MAP9: variants seen among roughly 807,000 people sequenced by gnomAD.
The protein encoded by MAP9 is microtubule associated protein 9, also known as microtubule-associated protein 9.
In MAP9, 80 loss-of-function variants were observed where a neutral mutation model predicts 75.2. The observed-to-expected ratio is 1.06, with a 90% CI of 0.89 to 1.28. The LOEUF (loss-of-function observed/expected upper bound fraction) is 1.28. Among genes scored for constraint, MAP9 ranks in the 50% most tolerant of loss-of-function variants. The pLI is 0.00. For synonymous variants in MAP9, 235 were observed against 237.3 expected, an observed-to-expected ratio of 0.99 and a Z score of 0.09; for missense variants, 753 against 719.9, an observed-to-expected ratio of 1.05 and a Z score of -0.53.
chr4:155,365,356 T>A (rs1030318138), intron 5 of MAP9, among the ~76,000 whole-genome samples: 1 of 151,892 alleles, frequency 6.6e-6, no homozygotes, highest in Non-Finnish European at 1.5e-5. Context: ...GATAACAAAG[T>A]TATAAAATAC....
chr4:155,345,686 CACA>C lies in MAP9; in HGVS notation c.*2094_*2096del, dbSNP rs1423650417. 6.6e-6 allele frequency: 1 copy of C among 152,038 alleles called. No individual in the cohort carries two copies. Among genetic ancestry groups the C allele is most frequent in the Non-Finnish European group, 1.5e-5 (1 of 67,994 alleles). The allele number at this position is 152,038 out of a possible 1,614,324, so 9.4% of individuals were successfully genotyped here. A position where few individuals can be genotyped will look rare whatever the true frequency, so the allele number is the denominator to read the frequency against. On this transcript the variant is annotated 3_prime_UTR_variant, in exon 14 of 14. Coordinates refer to ENST00000311277, the MANE Select transcript of MAP9 (RefSeq NM_001039580.2). Reference sequence around the variant, plus strand: ...AGTTTACATTAATTAACTCGGTTCTCACAACAACCTAAGAAGTAATAATGGTTA... The same window carrying C: ...AGTTTACATTAATTAACTCGGTTCTCACAACCTAAGAAGTAATAATGGTTA...
In MAP9 at chr4:155,353,029, A is replaced by G. The variant is rs1303355059; in HGVS notation, c.1571T>C (p.Met524Thr). ...QAFEKWKEKKMEYLKEKNRKE... is the reference protein window; with the variant it reads ...QAFEKWKEKKTEYLKEKNRKE... ...TCTATTTTTCTCTTTAAGATATTCC[A>G]TCTTTTTCTCTTTCCATTTTTCAAA... Residue 524 changes from methionine (M) to threonine (T), a missense_variant, in exon 12 of 14, where the codon ATG becomes ACG. Physicochemically the swap from Met to Thr is moderately conservative, Grantham distance 81. Coordinates refer to ENST00000311277, the MANE Select transcript of MAP9 (RefSeq NM_001039580.2). 1 of 1,540,710 alleles carries G rather than the reference A, an allele frequency of 6.5e-7. No homozygotes were observed. The highest frequency in any genetic ancestry group is 2.3e-5 in the East Asian group (1 of 42,734).
intron 8 of MAP9, chr4:155,357,022 A>T: frequency 5.9e-6 from 1 of 170,472 alleles, no homozygotes; most frequent in Non-Finnish European, 1.2e-5. Flanking sequence ...AGACAATGAT[A>T]CTTGATAATG....
In MAP9 at chr4:155,364,937, A is replaced by G. The variant is rs552954725; in HGVS notation, c.709-2796T>C. On this transcript the variant is annotated intron_variant, in intron 5 of 13. Coordinates refer to ENST00000311277, the MANE Select transcript of MAP9 (RefSeq NM_001039580.2). ...AAAAGATTCATGATTATCTCCTCAA[A>G]AAAAGGCAAGAAAGGAGTAACAGAG... is the stretch of plus-strand genomic sequence containing the variant. 6.6e-5 allele frequency among the ~76,000 whole-genome samples: 10 copies of G among 152,054 alleles called. No homozygotes were observed. In the East Asian group the frequency reaches 1.7e-3, roughly 26 times the overall value.
Position 155,360,226 on chromosome 4 carries a change from G to A in MAP9, c.992C>T (p.Pro331Leu). Residue 331 changes from proline to leucine, a missense_variant, in exon 7 of 14, where the codon CCA becomes CTA. Transcript: ENST00000311277. The stretch of plus-strand genomic sequence containing the variant: ...GATACTCTGAGATTTAGATAGTAGT[G>A]GATCAACTGTTCTGTCATCATCCAT... Reference protein sequence around the residue: ...LIMDDDRTVDPLLSKSQSILI... With the variant: ...LIMDDDRTVDLLLSKSQSILI... 1.2e-6 allele frequency: 2 copies of A among 1,612,490 alleles called. No individual in the cohort carries two copies. The highest frequency in any genetic ancestry group is 2.2e-5 in the South Asian group (2 of 91,044).
Position 155,343,693 on chromosome 4 carries a change from A to G in MAP9, c.*4090T>C, listed in dbSNP as rs1377806656. On this transcript the variant is annotated 3_prime_UTR_variant, in exon 14 of 14. Coordinates refer to ENST00000311277, the MANE Select transcript of MAP9 (RefSeq NM_001039580.2). ...AATGGTTGATTTTAATACACTAAAC[A>G]TTACATGAAAATATATGCTATCAAA... The G allele has an allele frequency of 1.2e-5, 1 of 86,174 alleles. No individual in the cohort carries two copies. Among genetic ancestry groups the G allele is most frequent in the Non-Finnish European group, 2.0e-5 (1 of 49,900 alleles). 5.3% of individuals were successfully genotyped at this position (86,174 alleles called of 1,614,324 possible). A position where few individuals can be genotyped will look rare whatever the true frequency, so the allele number is the denominator to read the frequency against.
In MAP9 at chr4:155,375,718, T is replaced by G; in HGVS notation, c.75+58A>C. The G allele has an allele frequency of 3.6e-6, 4 of 1,112,504 alleles. No individual in the cohort carries two copies. The South Asian group carries it at 5.3e-5, about 15-fold the overall frequency. The allele number at this position is 1,112,504 out of a possible 1,614,324, so 68.9% of individuals were successfully genotyped here. The stretch of plus-strand genomic sequence containing the variant: ...TAGGACTGTTCTAGAATCACCAATT[T>G]CAACCCATCTAATACAGTGTTTACA... On this transcript the variant is annotated intron_variant, in intron 2 of 13. Coordinates refer to ENST00000311277, the MANE Select transcript of MAP9 (RefSeq NM_001039580.2).
chr4:155,344,417 C>T lies in MAP9; in HGVS notation c.*3366G>A, dbSNP rs1731213209. The T allele has an allele frequency of 6.6e-6, 1 of 151,896 alleles. No individual in the cohort carries two copies. The highest frequency in any genetic ancestry group is 6.6e-5 in the Admixed American group (1 of 15,228). The allele number at this position is 151,896 out of a possible 1,614,324, so 9.4% of individuals were successfully genotyped here. ...CCATAGTTAGTTGTATGAGATTGGA[C>T]AAGTCAAAGTACTTGACAATCAGTT... On this transcript the variant is annotated 3_prime_UTR_variant, in exon 14 of 14. Transcript: ENST00000311277.
chr4:155,359,848 G>A (rs1731985949), intron 7 of MAP9, among the ~76,000 whole-genome samples: 1 of 151,892 alleles, frequency 6.6e-6, no homozygotes, highest in Non-Finnish European at 1.5e-5. Context: ...AATTATTCCA[G>A]ACAGTTATAT....
In MAP9 at chr4:155,345,434, CT is replaced by C. The variant is rs1731248197; in HGVS notation, c.*2348del. The C allele has an allele frequency of 7.2e-6, 1 of 139,128 alleles. No homozygotes were observed. The highest frequency in any genetic ancestry group is 7.1e-5 in the Admixed American group (1 of 14,020). 8.6% of individuals were successfully genotyped at this position (139,128 alleles called of 1,614,324 possible). A position where few individuals can be genotyped will look rare whatever the true frequency, so the allele number is the denominator to read the frequency against. On this transcript the variant is annotated 3_prime_UTR_variant, in exon 14 of 14. Transcript: ENST00000311277. ...GAAGGCCCTAATACAAGGCATCTTT[CT>C]GTTTTTTTGTTTTGTTTTGTTTTGT...
intron 5 of MAP9, among the ~76,000 whole-genome samples, chr4:155,363,849 A>G (rs1026155185): frequency 3.3e-5 from 5 of 152,190 alleles, no homozygotes; most frequent in African/African-American, 1.2e-4. Context: ...AAATATAAAC[A>G]GAATCTCAGA....
chr4:155,352,658 G>A lies in MAP9; in HGVS notation c.1759C>T (p.Leu587=). 6.5e-7 allele frequency: 1 copy of A among 1,536,972 alleles called. No homozygotes were observed. The highest frequency in any genetic ancestry group is 8.9e-7 in the Non-Finnish European group (1 of 1,126,048). ...TTATCTTTTTTCTCAGCTCTTTTCA[G>A]TTCTTCCTTTCTTTTCTCATTTATT... ...EKINEKRKEE[L]KRAEKKDKDK... The change falls in exon 13 of 14, where the codon CTG becomes TTG. Residue 587 remains leucine, a synonymous_variant. Coordinates refer to ENST00000311277, the MANE Select transcript of MAP9 (RefSeq NM_001039580.2).
chr4:155,368,722 T>A lies in MAP9; in HGVS notation c.572A>T (p.Lys191Met), dbSNP rs1238483382. 24 of 1,613,990 alleles carry A rather than the reference T, an allele frequency of 1.5e-5. No homozygotes were observed. Among genetic ancestry groups the A allele is most frequent in the Non-Finnish European group, 2.0e-5 (24 of 1,179,918 alleles). Residue 191 changes from lysine (K) to methionine (M), a missense_variant, in exon 5 of 14, where the codon AAG becomes ATG. Transcript: ENST00000311277. ...MLKKKSHMEE[K>M]DGLEDKETAL... ...AGTTTCTTTATCTTCTAGTCCATCC[T>A]TCTCCTCCATGTGACTTTTCTTTTT...
chr4:155,362,390 C>CAA (rs1271875568), intron 5 of MAP9: 6 of 330,086 alleles, frequency 1.8e-5, no homozygotes, highest in Non-Finnish European at 3.2e-5. Flanking sequence ...TAACTACCAC[C>CAA]ACCTCTCTAT....
chr4:155,343,786 AC>A lies in MAP9; in HGVS notation c.*3996del, dbSNP rs1388549673. 6.6e-6 allele frequency: 1 copy of A among 151,878 alleles called. No individual in the cohort carries two copies. The highest frequency in any genetic ancestry group is 1.5e-5 in the Non-Finnish European group (1 of 67,816). The allele number at this position is 151,878 out of a possible 1,614,324, so 9.4% of individuals were successfully genotyped here. ...AAATTTAATACCAAGAATTTTGCCT[AC>A]CCGAGTTAACATTATACAATTACAT... is the stretch of plus-strand genomic sequence containing the variant. On this transcript the variant is annotated 3_prime_UTR_variant, in exon 14 of 14. Transcript: ENST00000311277.
Position 155,347,894 on chromosome 4 carries a change from T to A in MAP9, c.1833A>T (p.Glu611Asp), listed in dbSNP as rs767325198. The change falls in exon 14 of 14, where the codon GAA becomes GAT. Residue 611 changes from glutamate (E) to aspartate (D), a missense_variant. Glu to Asp is a conservative substitution (Grantham distance 45). Coordinates refer to ENST00000311277, the MANE Select transcript of MAP9 (RefSeq NM_001039580.2). ...NEYEKWLENK[E>D]KQERIERKQK... ...GTTTTCGTTCAATTCTTTCTTGTTT[T>A]TCCTTATTTTCCTAAAGAGAAAATA... 2.0e-6 allele frequency: 3 copies of A among 1,511,660 alleles called. No homozygotes were observed. The highest frequency in any genetic ancestry group is 2.8e-5 in the African/African-American group (2 of 71,762). 93.6% of individuals were successfully genotyped at this position (1,511,660 alleles called of 1,614,324 possible).
In MAP9 at chr4:155,368,768, G is replaced by T. The variant is rs1231466179; in HGVS notation, c.526C>A (p.Pro176Thr). 1.9e-6 allele frequency: 3 copies of T among 1,613,642 alleles called. No individual in the cohort carries two copies. Among genetic ancestry groups the T allele is most frequent in the African/African-American group, 2.7e-5 (2 of 74,908 alleles). Residue 176 changes from proline to threonine, a missense_variant, in exon 5 of 14, where the codon CCT becomes ACT. Transcript: ENST00000311277. ...LDTDDHFKPSPRPRSMLKKKS... is the reference protein window; with the variant it reads ...LDTDDHFKPSTRPRSMLKKKS... ...TTTTTCAACATACTCCTTGGCCGAG[G>T]TGATGGTTTAAAGTGATCATCTGTG...
intron 13 of MAP9, 144 bp from the exon 14 acceptor site, chr4:155,348,049 G>A (rs1390306454): frequency 6.8e-6 from 4 of 586,384 alleles, no homozygotes; most frequent in Non-Finnish European, 8.7e-6. Context: ...AGAAATAACA[G>A]GTAGGGCCAG....
intron 13 of MAP9, among the ~76,000 whole-genome samples, chr4:155,351,625 G>GA (rs1249989789): frequency 2.2e-4 from 33 of 150,852 alleles, no homozygotes; most frequent in Non-Finnish European, 3.4e-4. Context: ...AACCAGTAAG[G>GA]AAAAAAAACC....
Sources: gnomAD v4.1 joint callset for allele counts (sites outside exome capture counted in the v4.1 genomes callset) on GRCh38, gnomAD v4.1.1 for gene constraint, MANE v1.5 for transcripts, NCBI Gene and HGNC (gene_info 2026-07-23, HGNC 2026-07-21) for gene names.